Variants in RPSA2 observed in about 807,000 individuals in gnomAD.
RPSA2 encodes ribosomal protein SA 2.
chr19:23,780,515 C>T, the RPSA2 span, among the ~76,000 whole-genome samples: 10 of 152,106 alleles, frequency 6.6e-5, no homozygotes, highest in South Asian at 4.2e-4. Context: ...AGGTGGTGGG[C>T]GCCTGTAGTC....
chr19:23,791,997 C>T, the RPSA2 span, among the ~76,000 whole-genome samples: 7 of 152,190 alleles, frequency 4.6e-5, no homozygotes, highest in East Asian at 1.2e-3. Flanking sequence ...GCTGGGATTA[C>T]AGGCATGAGC....
chr19:23,826,286 G>A, the RPSA2 span, among the ~76,000 whole-genome samples: 93 of 151,110 alleles, frequency 6.2e-4, no homozygotes, highest in Non-Finnish European at 1.2e-3. Context: ...TCCACCTCCC[G>A]GGTTCAAGCA....
At chr19:23,810,409 A>G in the RPSA2 span, among the ~76,000 whole-genome samples, 1 of 5,918 alleles carries the variant, frequency 1.7e-4, no homozygotes, top group South Asian at 0.056. Context: ...AAAAAAAAAA[A>G]AAAAAAAAAA....
chr19:23,837,714 A>G, the RPSA2 span, among the ~76,000 whole-genome samples: 1 of 151,910 alleles, frequency 6.6e-6, no homozygotes, highest in Non-Finnish European at 1.5e-5. Flanking sequence ...TTTTTCAGCT[A>G]TTGTAAAAGG....
the RPSA2 span, among the ~76,000 whole-genome samples, chr19:23,772,797 T>C: frequency 1.3e-5 from 2 of 152,200 alleles, no homozygotes; most frequent in African/African-American, 4.8e-5. Context: ...CCAGCCACAG[T>C]TGAGATGGTG....
the RPSA2 span, among the ~76,000 whole-genome samples, chr19:23,845,955 G>A: frequency 1.3e-5 from 2 of 152,132 alleles, no homozygotes; most frequent in Non-Finnish European, 2.9e-5. Flanking sequence ...GGAGTACTTT[G>A]TTGATTTGCC....
chr19:23,760,113 C>T, the RPSA2 span, among the ~76,000 whole-genome samples: 3 of 152,166 alleles, frequency 2.0e-5, no homozygotes, highest in Non-Finnish European at 4.4e-5. Flanking sequence ...GGTTCCTAAG[C>T]TCTTCCCAGG....
the RPSA2 span, among the ~76,000 whole-genome samples, chr19:23,797,308 C>G: frequency 6.6e-6 from 1 of 152,060 alleles, no homozygotes; most frequent in Non-Finnish European, 1.5e-5. Flanking sequence ...TGGGGTTTCA[C>G]CATCTTGGCC....
At chr19:23,828,777 C>G in the RPSA2 span, among the ~76,000 whole-genome samples, 1 of 151,884 alleles carries the variant, frequency 6.6e-6, no homozygotes, top group Non-Finnish European at 1.5e-5. Context: ...TTGTTTTATA[C>G]TGCCTTTAAG....
the RPSA2 span, among the ~76,000 whole-genome samples, chr19:23,770,059 G>A: frequency 6.6e-6 from 1 of 152,112 alleles, no homozygotes; most frequent in East Asian, 1.9e-4. Context: ...GTTACATATA[G>A]TTGGGCCTAA....
chr19:23,793,654 C>T, the RPSA2 span, among the ~76,000 whole-genome samples: 13 of 151,980 alleles, frequency 8.6e-5, no homozygotes, highest in South Asian at 2.1e-4. Flanking sequence ...CTTCCTCCTC[C>T]GGAGCTCAGG....
chr19:23,854,863 C>A, the RPSA2 span, among the ~76,000 whole-genome samples: 13 of 152,136 alleles, frequency 8.5e-5, no homozygotes, highest in East Asian at 1.9e-4. Context: ...TATATGCAGG[C>A]AACACCTTGT....
chr19:23,834,978 TTAA>T, the RPSA2 span, among the ~76,000 whole-genome samples: 1 of 152,204 alleles, frequency 6.6e-6, no homozygotes, highest in Admixed American at 6.5e-5. Flanking sequence ...ATGGCATATT[TTAA>T]TACAGGAATA....
At chr19:23,762,216 C>T in the RPSA2 span, among the ~76,000 whole-genome samples, 3 of 151,376 alleles carry the variant, frequency 2.0e-5, no homozygotes, top group South Asian at 4.2e-4. Flanking sequence ...GTGCCCGGCC[C>T]GGTAACATAA....
At chr19:23,827,027 T>C in the RPSA2 span, 2 of 671,356 alleles carry the variant, frequency 3.0e-6, no homozygotes, top group Non-Finnish European at 5.3e-6. Context: ...ACTGAATGAT[T>C]TATTGAAAGA....
chr19:23,792,757 C>A, the RPSA2 span, among the ~76,000 whole-genome samples: 1 of 151,892 alleles, frequency 6.6e-6, no homozygotes, highest in Non-Finnish European at 1.5e-5. Context: ...TCGTGATCTG[C>A]CCGCCTCGGC....
At chr19:23,864,742 T>A in the RPSA2 span, among the ~76,000 whole-genome samples, 1 of 152,224 alleles carries the variant, frequency 6.6e-6, no homozygotes, top group Non-Finnish European at 1.5e-5. Flanking sequence ...TGCACGCATA[T>A]GCTTAGGTCA....
At chr19:23,869,737 G>T in the RPSA2 span, among the ~76,000 whole-genome samples, 1 of 152,158 alleles carries the variant, frequency 6.6e-6, no homozygotes, top group Non-Finnish European at 1.5e-5. Flanking sequence ...AGGGAGGAAA[G>T]GTCCAATTCA....
the RPSA2 span, among the ~76,000 whole-genome samples, chr19:23,820,498 T>C: frequency 6.6e-6 from 1 of 152,146 alleles, no homozygotes; most frequent in Admixed American, 6.5e-5. Context: ...AGGGCTTCTT[T>C]TCTAGAGTGT....
Sources: gnomAD v4.1 joint callset for allele counts (sites outside exome capture counted in the v4.1 genomes callset) on GRCh38, gnomAD v4.1.1 for gene constraint, MANE v1.5 for transcripts, NCBI Gene and HGNC (gene_info 2026-07-23, HGNC 2026-07-21) for gene names.